The following ASCC2 variants were observed in gnomAD, a reference collection of about 807,000 sequenced individuals.
ASCC2 encodes the protein ASC-1 complex subunit P100.
ASCC2 carries 42 observed loss-of-function variants against 93.5 expected under a neutral mutation model. The ratio of observed to expected loss-of-function variants is 0.45; its 90% CI spans 0.35 to 0.58. The LOEUF (loss-of-function observed/expected upper bound fraction) is 0.58. Among genes scored for constraint, ASCC2 ranks in the 20% least tolerant of loss-of-function variants. The probability of loss-of-function intolerance (pLI) is 0.00; values close to 1 mark genes in which losing one functional copy is unlikely to be tolerated. For synonymous variants in ASCC2, 364 were observed against 384.2 expected, an observed-to-expected ratio of 0.95 and a Z score of 0.62; for missense variants, 859 against 977.6, an observed-to-expected ratio of 0.88 and a Z score of 1.62.
At chr22:29,837,690 G>A (rs9614071) in intron 1 of ASCC2, among the ~76,000 whole-genome samples, 19,676 of 152,062 alleles carry the variant, frequency 0.13, 1,489 homozygotes, top group South Asian at 0.24. Flanking sequence ...ACTCTCCTCA[G>A]AGACCTTCTG....
intron 7 of ASCC2, 53 bp downstream of exon 7, chr22:29,814,604 C>A: frequency 6.8e-7 from 1 of 1,462,182 alleles, no homozygotes; most frequent in Non-Finnish European, 9.3e-7. Context: ...GGTAGCTAGG[C>A]CCTGGTTGGA....
chr22:29,818,158 A>T (rs2061088366), intron 5 of ASCC2, among the ~76,000 whole-genome samples: 1 of 151,876 alleles, frequency 6.6e-6, no homozygotes, highest in Admixed American at 6.6e-5. Context: ...AGAACACTCA[A>T]CCAGTCCCCT....
Position 29,793,690 on chromosome 22 carries a change from G to A in ASCC2, c.1689-14C>T. 6.5e-7 allele frequency: 1 copy of A among 1,549,062 alleles called. No homozygotes were observed. The highest frequency in any genetic ancestry group is 1.4e-5 in the African/African-American group (1 of 73,276). On this transcript the variant is annotated splice_polypyrimidine_tract_variant and intron_variant, in intron 15 of 19. Transcript: ENST00000307790. ...TCCTTCCTGGTGCTGAGAAGGAACA[G>A]CAGAAAGAGAGGAAGGAAAACCATC... is the stretch of plus-strand genomic sequence containing the variant.
At chr22:29,804,873 T>C (rs1183666109) in intron 12 of ASCC2, 43 bp from the exon 13 acceptor site, 5 of 1,587,786 alleles carry the variant, frequency 3.1e-6, no homozygotes, top group Non-Finnish European at 4.3e-6. Context: ...CTCCTAGCTC[T>C]GAAGCAGCAT....
At chr22:29,820,206 A>G (rs1372802025) in intron 5 of ASCC2, among the ~76,000 whole-genome samples, 1 of 151,984 alleles carries the variant, frequency 6.6e-6, no homozygotes, top group East Asian at 1.9e-4. Context: ...ACTGTCACCC[A>G]GGCTGGAGTG....
At chr22:29,797,351 G>T (rs1374732466) in intron 15 of ASCC2, among the ~76,000 whole-genome samples, 1 of 152,148 alleles carries the variant, frequency 6.6e-6, no homozygotes, top group Non-Finnish European at 1.5e-5. Flanking sequence ...TCCTTAGCAG[G>T]GTGACTCCTG....
chr22:29,820,439 G>A (rs1487506679), intron 5 of ASCC2, among the ~76,000 whole-genome samples: 1 of 151,906 alleles, frequency 6.6e-6, no homozygotes, highest in Non-Finnish European at 1.5e-5. Context: ...TGGGGTTACA[G>A]GCGTGAGCCA....
chr22:29,801,860 G>C (rs2059125003), intron 14 of ASCC2, 134 bp downstream of exon 14: 1 of 786,930 alleles, frequency 1.3e-6, no homozygotes, highest in African/African-American at 1.7e-5. Context: ...TCCCCAAAGA[G>C]GGCTTTAGTT....
intron 1 of ASCC2, among the ~76,000 whole-genome samples, chr22:29,833,288 A>G (rs2063378067): frequency 6.6e-6 from 1 of 152,150 alleles, no homozygotes; most frequent in African/African-American, 2.4e-5. Context: ...CTCCTTTTAA[A>G]ACTCTAGCCA....
At chr22:29,792,138 G>A (rs1306988026) in intron 18 of ASCC2, among the ~76,000 whole-genome samples, 1 of 152,198 alleles carries the variant, frequency 6.6e-6, no homozygotes, top group East Asian at 1.9e-4. Flanking sequence ...CCTGGGTATG[G>A]TGCTGCTAAC....
chr22:29,829,653 C>A (rs912951057), intron 2 of ASCC2, among the ~76,000 whole-genome samples: 1 of 151,658 alleles, frequency 6.6e-6, no homozygotes, highest in Non-Finnish European at 1.5e-5. Context: ...GAGCCGAGAT[C>A]GCGCCACTGC....
intron 2 of ASCC2, chr22:29,827,575 T>A (rs1235914182): frequency 2.1e-6 from 1 of 470,946 alleles, no homozygotes; most frequent in Non-Finnish European, 4.4e-6. Context: ...AAATCAAATT[T>A]GTATCATGGA....
intron 2 of ASCC2, among the ~76,000 whole-genome samples, chr22:29,829,554 C>T (rs1392373977): frequency 9.9e-5 from 15 of 152,084 alleles, no homozygotes; most frequent in African/African-American, 3.4e-4. Context: ...AACCCCGTCT[C>T]TGCTAAAAAC....
chr22:29,820,590 T>A (rs1003005448), intron 5 of ASCC2, among the ~76,000 whole-genome samples: 1 of 152,052 alleles, frequency 6.6e-6, no homozygotes, highest in Non-Finnish European at 1.5e-5. Context: ...TTCACTATAC[T>A]TTATATCCTT....
chr22:29,823,730 C>A (rs184113611), intron 4 of ASCC2, among the ~76,000 whole-genome samples: 1 of 152,092 alleles, frequency 6.6e-6, no homozygotes, highest in East Asian at 1.9e-4. Flanking sequence ...TGCCTGTAAT[C>A]CCAGCTACTT....
At chr22:29,822,040 A>T (rs994369094) in intron 5 of ASCC2, 1 of 406,326 alleles carries the variant, frequency 2.5e-6, no homozygotes, top group Admixed American at 3.5e-5. Flanking sequence ...CATCTCAAAC[A>T]CTGCAACTTC....
At chr22:29,803,430 C>T (rs1016123597) in intron 13 of ASCC2, among the ~76,000 whole-genome samples, 2 of 152,072 alleles carry the variant, frequency 1.3e-5, no homozygotes, top group African/African-American at 2.4e-5. Context: ...GGGCCTATAC[C>T]ACCCACCTCA....
At position 29,825,526 on chromosome 22, in the gene ASCC2, A is replaced by G; in HGVS notation, c.240+96T>C. The G allele has an allele frequency of 6.4e-7, 1 of 1,556,362 alleles. No homozygotes were observed. The highest frequency in any genetic ancestry group is 8.8e-7 in the Non-Finnish European group (1 of 1,131,454). ...TAAGGATCCAGTGAAAGAAGTAGAC[A>G]AAAAAGCACCTCCTAGGGGAAGAAA... is the stretch of plus-strand genomic sequence containing the variant. On this transcript the variant is annotated intron_variant, in intron 3 of 19. Transcript: ENST00000307790. The surrounding 1 kb of genome is among the most constrained non-coding windows in gnomAD (Gnocchi z 4.9).
chr22:29,792,016 C>A (rs1380980670), intron 18 of ASCC2, among the ~76,000 whole-genome samples: 6 of 152,222 alleles, frequency 3.9e-5, no homozygotes, highest in African/African-American at 1.4e-4. Flanking sequence ...GTTAAGATTT[C>A]ATTCAAATAA....
Sources: gnomAD v4.1 joint callset for allele counts (sites outside exome capture counted in the v4.1 genomes callset) on GRCh38, gnomAD v4.1.1 for gene constraint, Gnocchi (gnomAD v3.1) non-coding constraint, MANE v1.5 for transcripts, NCBI Gene and HGNC (gene_info 2026-07-23, HGNC 2026-07-21) for gene names.